LRRC37A2: variants seen among roughly 807,000 people sequenced by gnomAD.
The protein encoded by LRRC37A2 is leucine rich repeat containing 37 member A2.
LRRC37A2 carries 9 observed loss-of-function variants against 68.8 expected under a neutral mutation model. That is an observed-to-expected ratio of 0.13 (90% CI 0.08 to 0.23). LRRC37A2 has a LOEUF of 0.23. LRRC37A2 is among the 10% of genes least tolerant of loss of function. LRRC37A2 has a pLI of 1.00. For synonymous variants in LRRC37A2, 63 were observed against 367.6 expected (o/e 0.17, Z 9.48); for missense variants, 168 against 950.4 (o/e 0.18, Z 10.82).
the LRRC37A2 span, among the ~76,000 whole-genome samples, chr17:46,783,001 G>A: frequency 6.6e-6 from 1 of 152,174 alleles, no homozygotes; most frequent in Non-Finnish European, 1.5e-5. Context: ...TGCCTCAGGG[G>A]GTGCCTTTCA....
chr17:46,923,388 G>C, the LRRC37A2 span: 1 of 1,464,508 alleles, frequency 6.8e-7, no homozygotes, highest in African/African-American at 1.4e-5. Context: ...GGACTCCCAG[G>C]TCAGCCACAG....
the LRRC37A2 span, among the ~76,000 whole-genome samples, chr17:46,794,836 C>G: frequency 1.3e-5 from 2 of 150,998 alleles, no homozygotes; most frequent in East Asian, 3.9e-4. Context: ...CTGCAACCTG[C>G]ACCTCCCAGG....
the LRRC37A2 span, among the ~76,000 whole-genome samples, chr17:46,810,251 A>G: frequency 4.4e-4 from 66 of 151,070 alleles, no homozygotes; most frequent in African/African-American, 1.5e-3. Context: ...CAGGTGATCC[A>G]CCCGCCTCGG....
At chr17:46,720,408 C>T in the LRRC37A2 span, among the ~76,000 whole-genome samples, 1 of 151,804 alleles carries the variant, frequency 6.6e-6, no homozygotes, top group Non-Finnish European at 1.5e-5. Context: ...CTGTGGCTCA[C>T]GATATGAGAA....
chr17:46,764,934 G>A, the LRRC37A2 span, among the ~76,000 whole-genome samples: 5 of 152,220 alleles, frequency 3.3e-5, no homozygotes, highest in Admixed American at 6.5e-5. Flanking sequence ...TGGGAGAAAC[G>A]GTGCCTGGCC....
the LRRC37A2 span, among the ~76,000 whole-genome samples, chr17:46,816,620 G>A: frequency 6.6e-6 from 1 of 152,094 alleles, no homozygotes; most frequent in Non-Finnish European, 1.5e-5. Flanking sequence ...GACCTTCCAG[G>A]TTTCCCCAGC....
chr17:46,907,360 T>A, the LRRC37A2 span, among the ~76,000 whole-genome samples: 1 of 151,732 alleles, frequency 6.6e-6, no homozygotes, highest in African/African-American at 2.4e-5. Context: ...TAAAGAGAGG[T>A]TGACCGTGGC....
chr17:46,918,158 C>T, the LRRC37A2 span, among the ~76,000 whole-genome samples: 1 of 152,236 alleles, frequency 6.6e-6, no homozygotes, highest in African/African-American at 2.4e-5. Context: ...CAGCTCACCG[C>T]AACCTCCGCC....
chr17:46,884,590 A>G, the LRRC37A2 span, among the ~76,000 whole-genome samples: 1 of 152,234 alleles, frequency 6.6e-6, no homozygotes, highest in African/African-American at 2.4e-5. Flanking sequence ...CAACAGCCAC[A>G]GTAGTTGTTT....
the LRRC37A2 span, among the ~76,000 whole-genome samples, chr17:46,841,038 T>G: frequency 3.9e-5 from 6 of 152,142 alleles, no homozygotes; most frequent in Non-Finnish European, 7.3e-5. Flanking sequence ...TTCCCGATGC[T>G]ACTTCCAACA....
the LRRC37A2 span, among the ~76,000 whole-genome samples, chr17:46,887,885 G>T: frequency 6.6e-6 from 1 of 152,112 alleles, no homozygotes; most frequent in African/African-American, 2.4e-5. Context: ...TGAGACAGGC[G>T]GAGTCCCTGC....
chr17:46,466,710 A>G, the LRRC37A2 span, among the ~76,000 whole-genome samples: 2 of 95,098 alleles, frequency 2.1e-5, no homozygotes, highest in Non-Finnish European at 4.4e-5. Flanking sequence ...AGTCTTTGCT[A>G]TTGTGAACAG....
chr17:46,867,773 A>T, the LRRC37A2 span, among the ~76,000 whole-genome samples: 26 of 151,976 alleles, frequency 1.7e-4, no homozygotes, highest in Non-Finnish European at 4.4e-5. Flanking sequence ...TGAGGGTGAG[A>T]GTGTGTGAGA....
At chr17:46,875,464 A>C in the LRRC37A2 span, 2 of 1,408,766 alleles carry the variant, frequency 1.4e-6, no homozygotes, top group Non-Finnish European at 1.9e-6. Flanking sequence ...CCCAAAATAC[A>C]TGAAGAGCCG....
the LRRC37A2 span, among the ~76,000 whole-genome samples, chr17:46,769,552 T>C: frequency 6.6e-6 from 1 of 151,960 alleles, no homozygotes. Context: ...GTGGCCATGC[T>C]CCCAGGCCGA....
the LRRC37A2 span, among the ~76,000 whole-genome samples, chr17:46,814,002 G>A: frequency 6.6e-6 from 1 of 152,196 alleles, no homozygotes; most frequent in African/African-American, 2.4e-5. Context: ...CACTGGTGAA[G>A]CTGCAGCAAG....
At chr17:47,011,394 C>T in the LRRC37A2 span, among the ~76,000 whole-genome samples, 16 of 151,740 alleles carry the variant, frequency 1.1e-4, no homozygotes, top group Non-Finnish European at 2.4e-4. Flanking sequence ...ACTAAAAATA[C>T]AAAAATTAGC....
At chr17:47,034,902 C>T in the LRRC37A2 span, 1 of 152,132 alleles carries the variant, frequency 6.6e-6, no homozygotes, top group South Asian at 2.1e-4. Flanking sequence ...CACTCACATT[C>T]TTTCTCTTTG....
At chr17:46,980,387 C>T in the LRRC37A2 span, among the ~76,000 whole-genome samples, 2 of 150,954 alleles carry the variant, frequency 1.3e-5, no homozygotes, top group Non-Finnish European at 2.9e-5. Context: ...TCTCTTCTTT[C>T]TTTCTCTTCT....
Sources: allele counts gnomAD v4.1 joint callset (sites outside exome capture counted in the v4.1 genomes callset), GRCh38; gene constraint gnomAD v4.1.1; transcripts MANE v1.5; gene names NCBI Gene and HGNC (gene_info 2026-07-23, HGNC 2026-07-21).